The following TMEM178B variants were observed in gnomAD, a reference collection of about 807,000 sequenced individuals.
TMEM178B encodes the protein transmembrane protein 178B.
Under a neutral mutation model 31.0 loss-of-function variants are expected in TMEM178B, and 5 were observed. That is an observed-to-expected ratio of 0.16 (90% confidence interval 0.08 to 0.34). TMEM178B has a LOEUF of 0.34. Among genes scored for constraint, TMEM178B ranks in the 10% least tolerant of loss-of-function variants. TMEM178B has a pLI of 1.00. For synonymous variants in TMEM178B, 164 were observed against 164.0 expected, an observed-to-expected ratio of 1.00 and a Z score of 0.00; for missense variants, 275 against 400.3, an observed-to-expected ratio of 0.69 and a Z score of 2.67.
chr7:141,417,202 G>C (rs754260548), intron 2 of TMEM178B, among the ~76,000 whole-genome samples: 1 of 152,174 alleles, frequency 6.6e-6, no homozygotes, highest in South Asian at 2.1e-4. Context: ...CTACCAAATG[G>C]AATAGATGGA....
intron 2 of TMEM178B, among the ~76,000 whole-genome samples, chr7:141,410,535 T>A (rs1392003748): frequency 1.4e-5 from 2 of 143,904 alleles, no homozygotes; most frequent in African/African-American, 5.1e-5. Flanking sequence ...TTTCTCTCTC[T>A]CTCTCCTTCC....
At position 141,266,046 on chromosome 7, in the gene TMEM178B, C is replaced by T. The variant is rs189417960; in HGVS notation, c.496+53342C>T. ...GAATTCCTCCTGCTTCATCATCTAG[C>T]CCATTCTGGAGCACATCAGCTCTTC... On this transcript the variant is annotated intron_variant, in intron 2 of 3. Coordinates refer to ENST00000565468, the MANE Select transcript of TMEM178B (RefSeq NM_001195278.2). 1.9e-3 allele frequency among the ~76,000 whole-genome samples: 290 copies of T among 152,318 alleles called. 5 individuals carry two copies. Among genetic ancestry groups the T allele is most frequent in the African/African-American group, 6.7e-3 (277 of 41,560 alleles).
intron 1 of TMEM178B, among the ~76,000 whole-genome samples, chr7:141,097,490 ACT>A (rs1187099383): frequency 1.3e-5 from 2 of 152,056 alleles, no homozygotes; most frequent in African/African-American, 4.8e-5. Context: ...TAAATTCAGT[ACT>A]TTTTTCCCTC....
At chr7:141,321,652 T>C (rs1249372697) in intron 2 of TMEM178B, among the ~76,000 whole-genome samples, 3 of 152,130 alleles carry the variant, frequency 2.0e-5, no homozygotes, top group Non-Finnish European at 4.4e-5. Flanking sequence ...CAGGCCTGAA[T>C]AGAACACCAA....
chr7:141,344,610 TCCTTCCTTCCTTCCTTCCTC>T lies in TMEM178B; in HGVS notation c.497-92988_497-92969del, dbSNP rs1172200141. Reference sequence around the variant, plus strand: ...TTCCTTCCTTCCTTCCTTCCTTCCTTCCTTCCTTCCTTCCTTCCTCCCTTCCTTCTTCCCTTCATCAAAAG... The same window carrying T: ...TTCCTTCCTTCCTTCCTTCCTTCCTTCCTTCCTTCTTCCCTTCATCAAAAG... On this transcript the variant is annotated intron_variant, in intron 2 of 3. Coordinates refer to ENST00000565468, the MANE Select transcript of TMEM178B (RefSeq NM_001195278.2). The surrounding 1 kb of genome is among the most constrained non-coding windows in gnomAD (Gnocchi z 4.1). Among the ~76,000 whole-genome samples the T allele has an allele frequency of 7.2e-6, 1 of 138,354 alleles. No individual in the cohort carries two copies. Among genetic ancestry groups the T allele is most frequent in the Non-Finnish European group, 1.6e-5 (1 of 62,714 alleles). 90.8% of individuals were successfully genotyped at this position (138,354 alleles called of 152,430 possible).
At chr7:141,375,162 T>C (rs1382849954) in intron 2 of TMEM178B, among the ~76,000 whole-genome samples, 1 of 152,236 alleles carries the variant, frequency 6.6e-6, no homozygotes, top group African/African-American at 2.4e-5. Context: ...ATTTGCTCCT[T>C]TAAAACACTT....
chr7:141,122,064 G>A (rs1037664276), intron 1 of TMEM178B, among the ~76,000 whole-genome samples: 1 of 152,150 alleles, frequency 6.6e-6, no homozygotes, highest in Admixed American at 6.5e-5. Context: ...TATTGGATTT[G>A]CTCTGTCCAA....
At chr7:141,407,421 C>T (rs1354673255) in intron 2 of TMEM178B, among the ~76,000 whole-genome samples, 1 of 152,238 alleles carries the variant, frequency 6.6e-6, no homozygotes, top group Non-Finnish European at 1.5e-5. Context: ...TTGCTTGCTC[C>T]TGGATGTGCT....
chr7:141,254,622 G>A (rs551307553), intron 2 of TMEM178B, among the ~76,000 whole-genome samples: 30 of 152,274 alleles, frequency 2.0e-4, no homozygotes, highest in East Asian at 9.7e-4. Flanking sequence ...GGAGGCTGAG[G>A]CAGGAGAATG....
At chr7:141,077,606 A>C (rs768088776) in intron 1 of TMEM178B, among the ~76,000 whole-genome samples, 1 of 152,162 alleles carries the variant, frequency 6.6e-6, no homozygotes, top group African/African-American at 2.4e-5. Flanking sequence ...CTGTGTATTC[A>C]TTTGTTTGCA....
At chr7:141,168,700 G>A (rs926137449) in intron 1 of TMEM178B, among the ~76,000 whole-genome samples, 3 of 152,024 alleles carry the variant, frequency 2.0e-5, no homozygotes, top group African/African-American at 7.2e-5. Context: ...AGCCCGGGAG[G>A]TGGAGGTTGC....
the TMEM178B span, among the ~76,000 whole-genome samples, chr7:141,502,971 G>T: frequency 6.6e-6 from 1 of 152,248 alleles, no homozygotes; most frequent in Non-Finnish European, 1.5e-5. Context: ...TTCTCAGCCT[G>T]CTTTGACATA....
At chr7:141,339,666 C>T (rs1189094217) in intron 2 of TMEM178B, among the ~76,000 whole-genome samples, 1 of 152,218 alleles carries the variant, frequency 6.6e-6, no homozygotes, top group Non-Finnish European at 1.5e-5. Flanking sequence ...ATTCTCACCC[C>T]ATCTTCAAGG....
At chr7:141,124,260 G>A (rs1428974418) in intron 1 of TMEM178B, among the ~76,000 whole-genome samples, 1 of 152,088 alleles carries the variant, frequency 6.6e-6, no homozygotes, top group South Asian at 2.1e-4. Flanking sequence ...CCAGCTACTC[G>A]GGAGGCTGAG....
intron 1 of TMEM178B, among the ~76,000 whole-genome samples, chr7:141,177,536 C>T (rs1410293051): frequency 6.6e-6 from 1 of 152,150 alleles, no homozygotes; most frequent in Non-Finnish European, 1.5e-5. Context: ...CTAATATTGA[C>T]AGTGGGGTGT....
intron 2 of TMEM178B, among the ~76,000 whole-genome samples, chr7:141,385,229 C>T (rs1257348903): frequency 6.6e-6 from 1 of 152,202 alleles, no homozygotes; most frequent in Non-Finnish European, 1.5e-5. Flanking sequence ...TTAATTATGG[C>T]AGCTCTTCAG....
intron 3 of TMEM178B, among the ~76,000 whole-genome samples, chr7:141,456,843 T>C (rs1427477470): frequency 1.3e-5 from 2 of 152,184 alleles, no homozygotes; most frequent in Admixed American, 6.5e-5. Context: ...GGAAGCACAC[T>C]AATCACAGCT....
intron 2 of TMEM178B, among the ~76,000 whole-genome samples, chr7:141,233,566 G>A (rs1797480527): frequency 6.6e-6 from 1 of 152,168 alleles, no homozygotes; most frequent in South Asian, 2.1e-4. Flanking sequence ...AGCTAGACTG[G>A]GGGTGTTGTA....
At chr7:141,470,181 A>C (rs1802214112) in intron 3 of TMEM178B, among the ~76,000 whole-genome samples, 1 of 152,188 alleles carries the variant, frequency 6.6e-6, no homozygotes, top group Admixed American at 6.5e-5. Flanking sequence ...AAATACAATG[A>C]ATTTAAAATG....
Sources: gnomAD v4.1 joint callset for allele counts (sites outside exome capture counted in the v4.1 genomes callset) on GRCh38, gnomAD v4.1.1 for gene constraint, Gnocchi (gnomAD v3.1) non-coding constraint, MANE v1.5 for transcripts, NCBI Gene and HGNC (gene_info 2026-07-23, HGNC 2026-07-21) for gene names.